Variants in AIG1 observed in about 807,000 individuals in gnomAD.
AIG1 encodes the protein androgen induced 1, also known as androgen-induced gene 1 protein.
Under a neutral mutation model 31.4 loss-of-function variants are expected in AIG1, and 23 were observed. The ratio of observed to expected loss-of-function variants is 0.73; its 90% CI spans 0.53 to 1.04. The LOEUF is 1.04. Ranked by LOEUF, AIG1 falls within the 50% of genes least tolerant of loss-of-function variation. The probability of loss-of-function intolerance (pLI) is 0.00; values close to 1 mark genes in which losing one functional copy is unlikely to be tolerated. For synonymous variants in AIG1, 100 were observed against 110.5 expected (o/e 0.90, Z 0.60); for missense variants, 274 against 295.0 (o/e 0.93, Z 0.52).
In AIG1 at chr6:143,060,906, G is replaced by T; in HGVS notation, c.-20G>T. 3 of 1,474,422 alleles carry T rather than the reference G, an allele frequency of 2.0e-6. No homozygotes were observed. The highest frequency in any genetic ancestry group is 1.4e-5 in the African/African-American group (1 of 69,930). 91.3% of individuals were successfully genotyped at this position (1,474,422 alleles called of 1,614,324 possible). ...CGCCCGCCCTCCTTGCCGCCCAGCCGGTCCAGGCCTCTGGCGAACATGGCG... is the reference window on the plus strand; with the variant it reads ...CGCCCGCCCTCCTTGCCGCCCAGCCTGTCCAGGCCTCTGGCGAACATGGCG... On this transcript the variant is annotated 5_prime_UTR_variant, in exon 1 of 6. Coordinates refer to ENST00000357847, the MANE Select transcript of AIG1 (RefSeq NM_016108.4).
At chr6:143,224,619 C>G (rs1792795994) in intron 3 of AIG1, among the ~76,000 whole-genome samples, 1 of 152,182 alleles carries the variant, frequency 6.6e-6, no homozygotes, top group Non-Finnish European at 1.5e-5. Flanking sequence ...AAGACAAAAT[C>G]TTAAGCTGCA....
At chr6:143,113,292 ATACAATGT>A (rs1324420638) in intron 1 of AIG1, among the ~76,000 whole-genome samples, 2 of 152,024 alleles carry the variant, frequency 1.3e-5, no homozygotes, top group Non-Finnish European at 2.9e-5. Flanking sequence ...ACTTTTTCAG[ATACAATGT>A]TAAAAAATTA....
chr6:143,320,485 A>G (rs1420967085), intron 4 of AIG1, among the ~76,000 whole-genome samples: 1 of 152,234 alleles, frequency 6.6e-6, no homozygotes, highest in African/African-American at 2.4e-5. Context: ...AATGATAAAT[A>G]AAAGGTGTAT....
rs1171576744 is a variant in AIG1, at chr6:143,333,269, G to A, written c.516-13G>A. Reference sequence around the variant, plus strand: ...TGACTCCTGTCCTTGTCTCCTTTCCGATTCTTTTGCAGGGTGTGCTGGGTG... The same window carrying A: ...TGACTCCTGTCCTTGTCTCCTTTCCAATTCTTTTGCAGGGTGTGCTGGGTG... On this transcript the variant is annotated splice_polypyrimidine_tract_variant and intron_variant, in intron 4 of 5. Coordinates refer to ENST00000357847, the MANE Select transcript of AIG1 (RefSeq NM_016108.4). This position sits in a 1 kb window ranked among gnomAD's most constrained non-coding sequence, Gnocchi z 4.6. The A allele has an allele frequency of 7.5e-6, 12 of 1,595,700 alleles. No homozygotes were observed. The highest frequency in any genetic ancestry group is 9.4e-6 in the Non-Finnish European group (11 of 1,171,432).
chr6:143,314,521 A>G (rs1327235843), intron 4 of AIG1, among the ~76,000 whole-genome samples: 1 of 152,160 alleles, frequency 6.6e-6, no homozygotes, highest in African/African-American at 2.4e-5. Context: ...CTTTCCTATA[A>G]CTACAGTAAA....
At chr6:143,140,902 A>C (rs1201818344) in intron 2 of AIG1, among the ~76,000 whole-genome samples, 1 of 152,174 alleles carries the variant, frequency 6.6e-6, no homozygotes, top group African/African-American at 2.4e-5. Context: ...GCAGAGCCTC[A>C]GCTTTGAGTC....
At chr6:143,287,207 T>A (rs541063832) in intron 4 of AIG1, among the ~76,000 whole-genome samples, 2 of 152,194 alleles carry the variant, frequency 1.3e-5, no homozygotes, top group South Asian at 2.1e-4. Flanking sequence ...GCATTCCGGA[T>A]ACATACAGAG....
In AIG1 at chr6:143,171,839, T is replaced by A. The variant is rs537319895; in HGVS notation, c.399+6656T>A. On this transcript the variant is annotated intron_variant, in intron 3 of 5. Transcript: ENST00000357847. ...CCTTTTCACCACATCCCTGCCAACA[T>A]CTATTATTATTTGATTTTTCGATTA... 1.1e-4 allele frequency among the ~76,000 whole-genome samples: 16 copies of A among 151,976 alleles called. No homozygotes were observed. In the South Asian group the frequency reaches 3.3e-3, roughly 31 times the overall value.
chr6:143,202,279 GT>G (rs1324162431), intron 3 of AIG1, among the ~76,000 whole-genome samples: 1 of 152,028 alleles, frequency 6.6e-6, no homozygotes, highest in Non-Finnish European at 1.5e-5. Flanking sequence ...TTCTAACCAA[GT>G]TTTTTTCCTT....
At chr6:143,226,985 C>CTTTTTT (rs11431811) in intron 3 of AIG1, among the ~76,000 whole-genome samples, 52 of 113,542 alleles carry the variant, frequency 4.6e-4, no homozygotes, top group East Asian at 1.0e-3. Context: ...GAGTTTTTGT[C>CTTTTTT]TTTTTTTTTT....
chr6:143,152,889 A>G (rs948688330), intron 2 of AIG1, among the ~76,000 whole-genome samples: 1 of 152,228 alleles, frequency 6.6e-6, no homozygotes, highest in African/African-American at 2.4e-5. Flanking sequence ...TAGGTGGGAA[A>G]GAAAATCAAA....
intron 3 of AIG1, chr6:143,188,503 A>T (rs1461853465): frequency 1.0e-6 from 1 of 985,234 alleles, no homozygotes; most frequent in African/African-American, 1.7e-5. Flanking sequence ...CCTTCCTGTG[A>T]CCTGCCTACT....
chr6:143,250,165 C>T (rs1439429115), intron 3 of AIG1, among the ~76,000 whole-genome samples: 3 of 152,244 alleles, frequency 2.0e-5, no homozygotes, highest in Non-Finnish European at 2.9e-5. Context: ...CCCTAGGGCT[C>T]AGTCACTCTT....
chr6:143,159,922 A>G (rs769435190), intron 2 of AIG1, among the ~76,000 whole-genome samples: 17 of 152,256 alleles, frequency 1.1e-4, no homozygotes, highest in Non-Finnish European at 1.8e-4. Flanking sequence ...CCCTTCTGCA[A>G]CAGAAAGAAT....
intron 1 of AIG1, among the ~76,000 whole-genome samples, chr6:143,128,340 A>T (rs1459210495): frequency 1.3e-5 from 2 of 152,200 alleles, no homozygotes; most frequent in East Asian, 3.9e-4. Context: ...TGGAGAAGGA[A>T]TTAAACAGTA....
At position 143,111,480 on chromosome 6, in the gene AIG1, A is replaced by G. The variant is rs543125898; in HGVS notation, c.142-25355A>G. On this transcript the variant is annotated intron_variant, in intron 1 of 5. Coordinates refer to ENST00000357847, the MANE Select transcript of AIG1 (RefSeq NM_016108.4). The stretch of plus-strand genomic sequence containing the variant: ...TTCTCAGGCTGTCTTCATTCCACAA[A>G]TGTTGTTATTGCACATGGCCTGCTT... 5.9e-5 allele frequency among the ~76,000 whole-genome samples: 9 copies of G among 152,066 alleles called. No individual in the cohort carries two copies. In the South Asian group the frequency reaches 1.9e-3, roughly 32 times the overall value.
In AIG1 at chr6:143,263,537, C is replaced by T. The variant is rs1795954775; in HGVS notation, c.400-20573C>T. Among the ~76,000 whole-genome samples, 10 of 152,008 alleles carry T rather than the reference C, an allele frequency of 6.6e-5. 1 individual carries two copies. The South Asian group carries it at 2.1e-3, about 32-fold the overall frequency. On this transcript the variant is annotated intron_variant, in intron 3 of 5. Transcript: ENST00000357847. ...ATGTAACTTTAATAACAAGGTAATA[C>T]CCACAAATTAAAGAACATTCTAAAA...
intron 3 of AIG1, among the ~76,000 whole-genome samples, chr6:143,249,465 G>A (rs1049748758): frequency 1.3e-5 from 2 of 152,168 alleles, no homozygotes; most frequent in African/African-American, 2.4e-5. Flanking sequence ...GCCAGGCCTC[G>A]TGGAGGGGTG....
chr6:143,156,961 C>T (rs1785830403), intron 2 of AIG1, among the ~76,000 whole-genome samples: 1 of 152,166 alleles, frequency 6.6e-6, no homozygotes, highest in South Asian at 2.1e-4. Flanking sequence ...ATGCACTGGC[C>T]AATGGATGCC....
Sources: gnomAD v4.1 joint callset for allele counts (sites outside exome capture counted in the v4.1 genomes callset) on GRCh38, gnomAD v4.1.1 for gene constraint, Gnocchi (gnomAD v3.1) non-coding constraint, MANE v1.5 for transcripts, NCBI Gene and HGNC (gene_info 2026-07-23, HGNC 2026-07-21) for gene names.